SCFD1: variants seen among roughly 807,000 people sequenced by gnomAD.
SCFD1 encodes sec1 family domain containing 1, also known as sec1 family domain-containing protein 1.
In SCFD1, 37 loss-of-function variants were observed where a neutral mutation model predicts 103.2. The ratio of observed to expected loss-of-function variants is 0.36; its 90% confidence interval spans 0.28 to 0.47. The LOEUF is 0.47. SCFD1 is among the 20% of genes least tolerant of loss of function. The probability of loss-of-function intolerance (pLI) is 1.00; values close to 1 mark genes in which losing one functional copy is unlikely to be tolerated. For synonymous variants in SCFD1, 264 were observed against 245.0 expected, an observed-to-expected ratio of 1.08 and a Z score of -0.73; for missense variants, 639 against 761.2, an observed-to-expected ratio of 0.84 and a Z score of 1.89.
intron 6 of SCFD1, among the ~76,000 whole-genome samples, chr14:30,640,305 G>A (rs897764957): frequency 2.0e-5 from 3 of 152,258 alleles, no homozygotes; most frequent in African/African-American, 7.2e-5. Flanking sequence ...GAGCTCTAGA[G>A]CATCTGTTCT....
chr14:30,625,379 G>A (rs548536146), intron 1 of SCFD1, among the ~76,000 whole-genome samples: 3 of 152,190 alleles, frequency 2.0e-5, no homozygotes, highest in South Asian at 2.1e-4. Flanking sequence ...TTCAAAATCC[G>A]AGCACCAGCT....
At chr14:30,622,282 A>T, upstream of SCFD1, 1 of 1,589,994 alleles carries the variant, frequency 6.3e-7, no homozygotes, top group Non-Finnish European at 8.5e-7. Flanking sequence ...CGGTAAGGGC[A>T]GCCACGTCAT....
intron 3 of SCFD1, among the ~76,000 whole-genome samples, chr14:30,633,220 A>G (rs922339659): frequency 6.6e-5 from 10 of 152,178 alleles, no homozygotes; most frequent in African/African-American, 2.4e-4. Flanking sequence ...CACTGGCAGC[A>G]TGTGCCTCTT....
At position 30,655,801 on chromosome 14, in the gene SCFD1, G is replaced by A. The variant is rs1166684986; in HGVS notation, c.855+2213G>A. ...GGGATGGAAAAGGCAGTTTCCCCAG[G>A]GAAGATCAGATGTTTAGTTTTGGGT... On this transcript the variant is annotated intron_variant, in intron 10 of 24. Coordinates refer to ENST00000458591, the MANE Select transcript of SCFD1 (RefSeq NM_016106.4). 2.0e-5 allele frequency among the ~76,000 whole-genome samples: 3 copies of A among 152,156 alleles called. No homozygotes were observed. The East Asian group carries it at 5.8e-4, about 29-fold the overall frequency.
chr14:30,653,465 AT>A (rs753766966), intron 9 of SCFD1, 23 bp from the exon 10 acceptor site: 181 of 1,491,084 alleles, frequency 1.2e-4, no homozygotes, highest in Non-Finnish European at 1.6e-4. Flanking sequence ...GAGTTATGTA[AT>A]TTTTTTATAT....
At chr14:30,627,830 A>G (rs1361272139) in intron 1 of SCFD1, among the ~76,000 whole-genome samples, 1 of 148,910 alleles carries the variant, frequency 6.7e-6, no homozygotes, top group Non-Finnish European at 1.5e-5. Context: ...AGACAGACTG[A>G]TCCTTCTCAC....
At chr14:30,720,434 A>G (rs570376305) in intron 21 of SCFD1, among the ~76,000 whole-genome samples, 29 of 152,190 alleles carry the variant, frequency 1.9e-4, no homozygotes, top group Admixed American at 3.3e-4. Context: ...TTTTTTCTAT[A>G]TTAATGATTC....
chr14:30,692,156 A>T (rs1890359925), intron 14 of SCFD1, among the ~76,000 whole-genome samples: 1 of 152,040 alleles, frequency 6.6e-6, no homozygotes, highest in Non-Finnish European at 1.5e-5. Flanking sequence ...AAGTTCGTTC[A>T]TCTATTTTTA....
chr14:30,638,679 A>G (rs1319400710), intron 5 of SCFD1, among the ~76,000 whole-genome samples: 1 of 152,140 alleles, frequency 6.6e-6, no homozygotes, highest in Non-Finnish European at 1.5e-5. Flanking sequence ...CGTGTTGCAT[A>G]TTGAGATCCA....
rs115390030 is a variant in SCFD1, at chr14:30,719,199, G to A, written c.1684-126G>A. The A allele has an allele frequency of 3.8e-3, 2,610 of 680,814 alleles. 59 individuals are homozygous for A. The African/African-American group carries it at 0.043, about 11-fold the overall frequency. 42.2% of individuals were successfully genotyped at this position (680,814 alleles called of 1,614,324 possible). ...TTAGCACATAGTAAGTGCTCATTAAGTATTAGGGATGGTTGTTATACATTC... is the reference window on the plus strand; with the variant it reads ...TTAGCACATAGTAAGTGCTCATTAAATATTAGGGATGGTTGTTATACATTC... On this transcript the variant is annotated intron_variant, in intron 20 of 24. Coordinates refer to ENST00000458591, the MANE Select transcript of SCFD1 (RefSeq NM_016106.4).
intron 1 of SCFD1, among the ~76,000 whole-genome samples, chr14:30,626,516 A>C (rs1221434794): frequency 6.6e-6 from 1 of 152,170 alleles, no homozygotes; most frequent in Non-Finnish European, 1.5e-5. Flanking sequence ...TTTTGGGTTG[A>C]ATGAAGGTTG....
chr14:30,657,914 C>T (rs1887062397), intron 10 of SCFD1, among the ~76,000 whole-genome samples: 1 of 151,902 alleles, frequency 6.6e-6, no homozygotes, highest in South Asian at 2.1e-4. Context: ...CACAGCTTCC[C>T]TCTGTGTCAG....
At position 30,705,839 on chromosome 14, in the gene SCFD1, G is replaced by T; in HGVS notation, c.1507G>T (p.Ala503Ser). The T allele has an allele frequency of 6.2e-7, 1 of 1,613,476 alleles. No homozygotes were observed. Among genetic ancestry groups the T allele is most frequent in the South Asian group, 1.1e-5 (1 of 91,022 alleles). ...IKQWKAFTKMASAPASYGSTT... is the reference protein window; with the variant it reads ...IKQWKAFTKMSSAPASYGSTT... ...CTTTCATAGGGCTTTTACCAAGATG[G>T]CCTCAGCTCCGGCCAGCTATGGCAG... Residue 503 changes from alanine (A) to serine (S), a missense_variant, in exon 18 of 25, where the codon GCC (alanine) becomes TCC (serine). Transcript: ENST00000458591.
At chr14:30,673,474 C>A in intron 12 of SCFD1, 127 bp downstream of exon 12, 1 of 493,306 alleles carries the variant, frequency 2.0e-6, no homozygotes, top group Non-Finnish European at 3.7e-6. Context: ...AAAATATTTT[C>A]AACTTGCGTA....
chr14:30,650,080 A>G (rs1354620506), intron 8 of SCFD1, among the ~76,000 whole-genome samples: 5 of 152,218 alleles, frequency 3.3e-5, no homozygotes, highest in African/African-American at 9.7e-5. Context: ...ACTGAAAAAG[A>G]AGGAGGTATT....
chr14:30,666,406 T>A (rs1006759903), intron 10 of SCFD1, among the ~76,000 whole-genome samples: 9 of 152,180 alleles, frequency 5.9e-5, no homozygotes, highest in African/African-American at 2.2e-4. Context: ...AAGCAGTGTG[T>A]AGAGGGAAAT....
intron 19 of SCFD1, among the ~76,000 whole-genome samples, chr14:30,709,384 C>T (rs180762630): frequency 2.0e-5 from 3 of 152,056 alleles, no homozygotes; most frequent in Admixed American, 1.3e-4. Flanking sequence ...AGGCACGCAC[C>T]GCCACACCTG....
intron 14 of SCFD1, among the ~76,000 whole-genome samples, chr14:30,691,631 A>G (rs1379357525): frequency 2.0e-5 from 3 of 152,194 alleles, no homozygotes; most frequent in African/African-American, 7.2e-5. Context: ...TTTGCAATTC[A>G]TCAATTTAAA....
At chr14:30,722,030 G>T in intron 22 of SCFD1, 113 bp downstream of exon 22, 1 of 692,866 alleles carries the variant, frequency 1.4e-6, no homozygotes, top group Non-Finnish European at 2.4e-6. Flanking sequence ...ATGATAATTT[G>T]GCCTAGCAAT....
Sources: gnomAD v4.1 joint callset for allele counts (sites outside exome capture counted in the v4.1 genomes callset) on GRCh38, gnomAD v4.1.1 for gene constraint, MANE v1.5 for transcripts, NCBI Gene and HGNC (gene_info 2026-07-23, HGNC 2026-07-21) for gene names.